Variants in MAGI1 observed in about 807,000 individuals in gnomAD.
The protein encoded by MAGI1 is membrane associated guanylate kinase, WW and PDZ domain containing 1.
Under a neutral mutation model 139.9 loss-of-function variants are expected in MAGI1, and 58 were observed. That is an observed-to-expected ratio of 0.41 (90% CI 0.34 to 0.52). The LOEUF (loss-of-function observed/expected upper bound fraction) is 0.52. MAGI1 is among the 20% of genes least tolerant of loss of function. The pLI is 0.12. For missense variants in MAGI1, 1,874 were observed against 1,901.6 expected, an observed-to-expected ratio of 0.99 and a Z score of 0.27; for synonymous variants, 812 against 737.9, an observed-to-expected ratio of 1.10 and a Z score of -1.63.
chr3:65,502,765 T>C (rs73128923), intron 2 of MAGI1, among the ~76,000 whole-genome samples: 14,242 of 152,142 alleles, frequency 0.094, 978 homozygotes, highest in African/African-American at 0.19. Context: ...CATTAGGAAT[T>C]AGGGACCCAA....
intron 1 of MAGI1, among the ~76,000 whole-genome samples, chr3:65,902,057 T>C (rs1030833039): frequency 1.3e-5 from 2 of 152,252 alleles, no homozygotes; most frequent in Non-Finnish European, 2.9e-5. Flanking sequence ...CATATATTTG[T>C]GAGAGTTCTC....
At chr3:65,507,532 C>A (rs574677282) in intron 2 of MAGI1, among the ~76,000 whole-genome samples, 1 of 152,138 alleles carries the variant, frequency 6.6e-6, no homozygotes, top group African/African-American at 2.4e-5. Context: ...TTATGTTTTC[C>A]CCCATAAATA....
At chr3:65,797,707 C>A (rs891688222) in intron 1 of MAGI1, among the ~76,000 whole-genome samples, 4 of 151,888 alleles carry the variant, frequency 2.6e-5, no homozygotes, top group Admixed American at 2.0e-4. Context: ...CACAGTGAGA[C>A]CCAGTCTCAA....
intron 1 of MAGI1, among the ~76,000 whole-genome samples, chr3:65,734,157 T>G (rs1366823720): frequency 1.1e-4 from 17 of 151,960 alleles, no homozygotes; most frequent in Admixed American, 1.1e-3. Context: ...CATTTGCAGG[T>G]TAAAAACATT....
intron 2 of MAGI1, among the ~76,000 whole-genome samples, chr3:65,519,420 C>G (rs551948067): frequency 6.6e-6 from 1 of 151,910 alleles, no homozygotes; most frequent in Non-Finnish European, 1.5e-5. Context: ...GAGTCTTGCT[C>G]TGTTGCCCAG....
At chr3:65,996,228 T>G (rs1375342587) in intron 1 of MAGI1, among the ~76,000 whole-genome samples, 4 of 152,072 alleles carry the variant, frequency 2.6e-5, no homozygotes, top group Non-Finnish European at 5.9e-5. Flanking sequence ...TCCTAGAATG[T>G]TAAGGAGGAT....
intron 6 of MAGI1, among the ~76,000 whole-genome samples, chr3:65,450,738 T>A (rs1948984112): frequency 6.6e-6 from 1 of 152,166 alleles, no homozygotes; most frequent in Non-Finnish European, 1.5e-5. Flanking sequence ...CAAACCAGTT[T>A]CTCGATTTTC....
chr3:65,687,508 T>G (rs2088159403), intron 1 of MAGI1: 1 of 380,490 alleles, frequency 2.6e-6, no homozygotes, highest in South Asian at 2.2e-5. Flanking sequence ...CTGATTCTGC[T>G]GAGCAGGCCT....
intron 1 of MAGI1, among the ~76,000 whole-genome samples, chr3:65,786,463 CACCCAGCT>C (rs1389369670): frequency 1.3e-5 from 2 of 151,938 alleles, no homozygotes; most frequent in Non-Finnish European, 2.9e-5. Context: ...TGCGCCACCA[CACCCAGCT>C]AACTTACTGT....
intron 2 of MAGI1, among the ~76,000 whole-genome samples, chr3:65,591,377 A>G (rs2081957615): frequency 6.6e-6 from 1 of 152,164 alleles, no homozygotes; most frequent in South Asian, 2.1e-4. Context: ...GTCATCCATC[A>G]GGCATGAGTC....
intron 1 of MAGI1, among the ~76,000 whole-genome samples, chr3:65,712,487 T>A (rs1414082724): frequency 1.3e-5 from 2 of 149,694 alleles, no homozygotes; most frequent in Non-Finnish European, 1.5e-5. Context: ...TGCGCGATAA[T>A]AAAATTGTGT....
chr3:65,957,561 T>C (rs1465822920), intron 1 of MAGI1, among the ~76,000 whole-genome samples: 2 of 148,734 alleles, frequency 1.3e-5, no homozygotes, highest in Non-Finnish European at 1.5e-5. Flanking sequence ...AGGAATGAAC[T>C]ACAGCTACAT....
chr3:65,881,415 C>A (rs892958437), intron 1 of MAGI1, among the ~76,000 whole-genome samples: 2 of 152,082 alleles, frequency 1.3e-5, no homozygotes, highest in African/African-American at 4.8e-5. Context: ...TCACTCGAGG[C>A]CAGGAGTCCA....
At chr3:65,624,400 C>A (rs1203308818) in intron 1 of MAGI1, among the ~76,000 whole-genome samples, 1 of 152,070 alleles carries the variant, frequency 6.6e-6, no homozygotes, top group Non-Finnish European at 1.5e-5. Flanking sequence ...AATGAATAAG[C>A]AAACTGTGGT....
intron 12 of MAGI1, among the ~76,000 whole-genome samples, chr3:65,422,780 G>C (rs534098709): frequency 1.4e-3 from 220 of 152,190 alleles, no homozygotes; most frequent in African/African-American, 5.1e-3. Context: ...AATAACCTCC[G>C]AGCCGAGGCC....
intron 1 of MAGI1, among the ~76,000 whole-genome samples, chr3:66,034,702 AC>A (rs541872783): frequency 4.6e-5 from 7 of 152,342 alleles, no homozygotes; most frequent in Non-Finnish European, 8.8e-5. Flanking sequence ...AAGCAAAAGG[AC>A]AAACTGGTAT....
intron 1 of MAGI1, among the ~76,000 whole-genome samples, chr3:65,854,622 C>G (rs2108410240): frequency 6.6e-6 from 1 of 152,336 alleles, no homozygotes; most frequent in Admixed American, 6.5e-5. Context: ...ACAAATACTA[C>G]TCAAGGAAGT....
At chr3:65,637,431 G>T (rs1220938659) in intron 1 of MAGI1, among the ~76,000 whole-genome samples, 2 of 152,048 alleles carry the variant, frequency 1.3e-5, no homozygotes, top group Non-Finnish European at 1.5e-5. Context: ...GTGCATGCCT[G>T]TAGTCCCAGC....
At chr3:65,763,761 A>G (rs1350746485) in intron 1 of MAGI1, among the ~76,000 whole-genome samples, 1 of 151,942 alleles carries the variant, frequency 6.6e-6, no homozygotes, top group African/African-American at 2.4e-5. Flanking sequence ...TTAAAAAAAA[A>G]AAAGAAATAA....
Sources: gnomAD v4.1 joint callset for allele counts (sites outside exome capture counted in the v4.1 genomes callset) on GRCh38, gnomAD v4.1.1 for gene constraint, MANE v1.5 for transcripts, NCBI Gene and HGNC (gene_info 2026-07-23, HGNC 2026-07-21) for gene names.